Variants in TMEM135 observed in about 807,000 individuals in gnomAD.
The protein encoded by TMEM135 is transmembrane protein 135.
Under a neutral mutation model 60.3 loss-of-function variants are expected in TMEM135, and 30 were observed. The observed-to-expected ratio is 0.50, with a 90% CI of 0.37 to 0.68. The LOEUF is 0.68. Ranked by LOEUF, TMEM135 falls within the 30% of genes least tolerant of loss-of-function variation. TMEM135 has a pLI of 0.00. For missense variants in TMEM135, 468 were observed against 548.8 expected (o/e 0.85, Z 1.47); for synonymous variants, 190 against 186.7 (o/e 1.02, Z -0.14).
intron 6 of TMEM135, among the ~76,000 whole-genome samples, chr11:87,260,946 A>G (rs10444376): frequency 0.33 from 50,267 of 152,028 alleles, 9,221 homozygotes; most frequent in Non-Finnish European, 0.42. Context: ...AGGCGATGCT[A>G]GTTCTGGTCC....
At chr11:87,066,838 T>C (rs1856672464) in intron 1 of TMEM135, among the ~76,000 whole-genome samples, 1 of 148,964 alleles carries the variant, frequency 6.7e-6, no homozygotes, top group Admixed American at 6.8e-5. Flanking sequence ...TAGAGTGCAG[T>C]GGCACAATCT....
intron 4 of TMEM135, among the ~76,000 whole-genome samples, chr11:87,111,008 T>G (rs945186587): frequency 6.6e-6 from 1 of 152,174 alleles, no homozygotes; most frequent in Non-Finnish European, 1.5e-5. Context: ...AACCTAGATG[T>G]TTCATTTTCT....
chr11:87,159,397 T>C (rs1225794929), intron 5 of TMEM135, among the ~76,000 whole-genome samples: 1 of 152,178 alleles, frequency 6.6e-6, no homozygotes, highest in African/African-American at 2.4e-5. Flanking sequence ...CTTTTTTGGT[T>C]CTCAGGAAAT....
rs1321338447 is a variant in TMEM135 at position 87,323,550 on chromosome 11, A to G, written c.*2217A>G. 2.2e-6 allele frequency: 1 copy of G among 453,268 alleles called. No homozygotes were observed. Among genetic ancestry groups the G allele is most frequent in the Non-Finnish European group, 4.4e-6 (1 of 226,582 alleles). The allele number at this position is 453,268 out of a possible 1,614,324, so 28.1% of individuals were successfully genotyped here. Reference sequence around the variant, plus strand: ...CCAAAATATGTTTTTTAGTTTATTTATATCCTGAAGAAATGGTAAGTTTTC... The same window carrying G: ...CCAAAATATGTTTTTTAGTTTATTTGTATCCTGAAGAAATGGTAAGTTTTC... On this transcript the variant is annotated 3_prime_UTR_variant, in exon 15 of 15. Transcript: ENST00000305494.
In TMEM135 at chr11:87,100,267, A is replaced by G. The variant is rs150055668; in HGVS notation, c.396+8872A>G. Among the ~76,000 whole-genome samples, 315 of 152,316 alleles carry G rather than the reference A, an allele frequency of 2.1e-3. 1 individual carries two copies. Among genetic ancestry groups the G allele is most frequent in the African/African-American group, 6.2e-3 (258 of 41,576 alleles). On this transcript the variant is annotated intron_variant, in intron 4 of 14. Transcript: ENST00000305494. Reference sequence around the variant, plus strand: ...CTGAGGGAAAGTGAATTTGAACATGATCATAATATTTTCTGGATACTAATA... The same window carrying G: ...CTGAGGGAAAGTGAATTTGAACATGGTCATAATATTTTCTGGATACTAATA...
intron 4 of TMEM135, among the ~76,000 whole-genome samples, chr11:87,108,164 C>T (rs1261607981): frequency 6.6e-6 from 1 of 152,000 alleles, no homozygotes; most frequent in African/African-American, 2.4e-5. Flanking sequence ...GGATGTTAGC[C>T]CTTTGTCAGA....
intron 6 of TMEM135, among the ~76,000 whole-genome samples, chr11:87,289,710 C>G (rs984553626): frequency 4.9e-4 from 74 of 152,128 alleles, no homozygotes; most frequent in African/African-American, 1.6e-3. Context: ...CCCGCCTTGG[C>G]TTCCCAAAGT....
At chr11:87,252,824 G>GTGTGTGTGTGTA (rs1941447273) in intron 6 of TMEM135, among the ~76,000 whole-genome samples, 1 of 151,014 alleles carries the variant, frequency 6.6e-6, no homozygotes, top group South Asian at 2.1e-4. Context: ...GTGTGTGTGT[G>GTGTGTGTGTGTA]TGTGTGTATT....
chr11:87,107,196 G>T (rs924851102), intron 4 of TMEM135, among the ~76,000 whole-genome samples: 8 of 152,006 alleles, frequency 5.3e-5, no homozygotes, highest in African/African-American at 1.7e-4. Flanking sequence ...TTCAGTCTTG[G>T]TAGGTTGTAT....
chr11:87,078,363 T>C (rs1323623912), intron 3 of TMEM135, among the ~76,000 whole-genome samples: 1 of 152,242 alleles, frequency 6.6e-6, no homozygotes, highest in Non-Finnish European at 1.5e-5. Context: ...TTTGATCATT[T>C]ACATATCTTC....
intron 6 of TMEM135, among the ~76,000 whole-genome samples, chr11:87,295,155 G>A (rs1379885070): frequency 6.6e-6 from 1 of 152,080 alleles, no homozygotes; most frequent in African/African-American, 2.4e-5. Flanking sequence ...CACATATAAA[G>A]AGCTGAAAAC....
At chr11:87,146,684 A>G (rs1270940273) in intron 4 of TMEM135, among the ~76,000 whole-genome samples, 1 of 152,212 alleles carries the variant, frequency 6.6e-6, no homozygotes, top group African/African-American at 2.4e-5. Context: ...AAAGTGCTGT[A>G]CTAAACTAGA....
At chr11:87,143,394 GCA>G (rs1439782097) in intron 4 of TMEM135, among the ~76,000 whole-genome samples, 1 of 148,810 alleles carries the variant, frequency 6.7e-6, no homozygotes, top group Non-Finnish European at 1.5e-5. Flanking sequence ...TGACCATGGA[GCA>G]CACTTTCCTG....
At chr11:87,223,408 G>A (rs1194134434) in intron 5 of TMEM135, among the ~76,000 whole-genome samples, 2 of 151,932 alleles carry the variant, frequency 1.3e-5, no homozygotes, top group Non-Finnish European at 2.9e-5. Flanking sequence ...CTGACCTTGT[G>A]ATCTGCCTGC....
At chr11:87,260,646 G>T (rs566986278) in intron 6 of TMEM135, among the ~76,000 whole-genome samples, 2 of 151,936 alleles carry the variant, frequency 1.3e-5, no homozygotes, top group Admixed American at 6.6e-5. Context: ...CTTCTTAAAA[G>T]AAATAGGCCT....
intron 2 of TMEM135, among the ~76,000 whole-genome samples, chr11:87,068,870 T>C (rs1856718936): frequency 6.6e-6 from 1 of 151,966 alleles, no homozygotes; most frequent in Non-Finnish European, 1.5e-5. Flanking sequence ...CTAAGATCAT[T>C]ATCAGATCAT....
intron 6 of TMEM135, 96 bp downstream of exon 6, chr11:87,236,780 C>CCCG: frequency 1.6e-6 from 2 of 1,245,424 alleles, no homozygotes; most frequent in East Asian, 4.7e-5. Flanking sequence ...AAATAATTAT[C>CCCG]CCTTACAAGC....
chr11:87,071,615 G>A lies in TMEM135; in HGVS notation c.362G>A (p.Arg121Lys), dbSNP rs1437859156. The A allele has an allele frequency of 6.2e-7, 1 of 1,610,910 alleles. No individual in the cohort carries two copies. Among genetic ancestry groups the A allele is most frequent in the Non-Finnish European group, 8.5e-7 (1 of 1,178,568 alleles). Residue 121 changes from arginine (R) to lysine (K), a missense_variant and splice_region_variant, in exon 3 of 15, where the codon AGG becomes AAG. Transcript: ENST00000305494. ...GCCATTCTCATTGAAAGAAAAAGCA[G>A]GTAAAATTTCATATATTTATTTAAC... ...YVAILIERKS[R>K]RGLLTIYMAN... is the part of the protein sequence containing the mutation.
At chr11:87,241,737 G>A (rs533848021) in intron 6 of TMEM135, among the ~76,000 whole-genome samples, 2 of 151,802 alleles carry the variant, frequency 1.3e-5, no homozygotes, top group East Asian at 3.9e-4. Flanking sequence ...TTAATTTTTA[G>A]CTTTCATAAA....
Sources: allele counts gnomAD v4.1 joint callset (sites outside exome capture counted in the v4.1 genomes callset), GRCh38; gene constraint gnomAD v4.1.1; transcripts MANE v1.5; gene names NCBI Gene and HGNC (gene_info 2026-07-23, HGNC 2026-07-21).